ADAM10: variants seen among roughly 807,000 people sequenced by gnomAD.
ADAM10 encodes the protein ADAM metallopeptidase domain 10.
ADAM10 carries 17 observed loss-of-function variants against 90.1 expected under a neutral mutation model. That is an observed-to-expected ratio of 0.19 (90% CI 0.13 to 0.28). The LOEUF is 0.28. Ranked by LOEUF, ADAM10 falls within the 10% of genes least tolerant of loss-of-function variation. The probability of loss-of-function intolerance (pLI) is 1.00; values close to 1 mark genes in which losing one functional copy is unlikely to be tolerated. For synonymous variants in ADAM10, 310 were observed against 298.6 expected (o/e 1.04, Z -0.40); for missense variants, 610 against 914.3 (o/e 0.67, Z 4.29).
intron 10 of ADAM10, 106 bp from the exon 11 acceptor site, chr15:58,621,727 T>G (rs902956348): frequency 7.2e-7 from 1 of 1,392,518 alleles, no homozygotes; most frequent in East Asian, 2.4e-5. Flanking sequence ...AAGGAAAACT[T>G]TGATGAATAA....
intron 4 of ADAM10, chr15:58,672,823 T>C (rs1326761341): frequency 3.9e-5 from 3 of 76,048 alleles, no homozygotes; most frequent in Non-Finnish European, 8.3e-5. Context: ...GAGATGTCAA[T>C]GCTGAAAAAA....
At chr15:58,670,315 G>A (rs549050935) in intron 4 of ADAM10, among the ~76,000 whole-genome samples, 2 of 152,026 alleles carry the variant, frequency 1.3e-5, no homozygotes, top group Non-Finnish European at 2.9e-5. Context: ...GTATAAATCT[G>A]TGTAACCTTT....
At chr15:58,637,976 A>T (rs778605729) in intron 8 of ADAM10, among the ~76,000 whole-genome samples, 10 of 152,180 alleles carry the variant, frequency 6.6e-5, no homozygotes, top group African/African-American at 2.4e-4. Context: ...CAGTTCAGCT[A>T]GTAGTAAGTG....
chr15:58,676,720 G>C (rs1247701912), intron 4 of ADAM10, among the ~76,000 whole-genome samples: 1 of 152,088 alleles, frequency 6.6e-6, no homozygotes, highest in Non-Finnish European at 1.5e-5. Context: ...ACAGAGCTGA[G>C]GTAGGAGGTT....
chr15:58,736,628 A>G (rs1312014560), intron 1 of ADAM10, among the ~76,000 whole-genome samples: 2 of 152,220 alleles, frequency 1.3e-5, no homozygotes, highest in Non-Finnish European at 2.9e-5. Context: ...ATTATTAAAA[A>G]GAGAGTAAAT....
rs1457370640 is a variant in ADAM10, at chr15:58,686,440, G to A, written c.207-4126C>T. 2.2e-6 allele frequency: 3 copies of A among 1,368,362 alleles called. No homozygotes were observed. The Admixed American group carries it at 5.9e-5, about 27-fold the overall frequency. The allele number at this position is 1,368,362 out of a possible 1,614,324, so 84.8% of individuals were successfully genotyped here. ...CCTCTGGGGCTAGCGCGAGCGCCCT[G>A]CAGTGCCTGGTGGAGCAGCTCAAGT... On this transcript the variant is annotated intron_variant, in intron 2 of 15. Transcript: ENST00000260408.
intron 1 of ADAM10, chr15:58,747,903 T>C (rs1899842595): frequency 6.6e-6 from 1 of 152,184 alleles, no homozygotes; most frequent in Non-Finnish European, 1.5e-5. Context: ...TGTGTTTGTC[T>C]TACTTTTTAT....
intron 1 of ADAM10, among the ~76,000 whole-genome samples, chr15:58,721,719 C>T (rs1898859521): frequency 6.6e-6 from 1 of 152,030 alleles, no homozygotes; most frequent in Non-Finnish European, 1.5e-5. Context: ...GCCCCTGTCT[C>T]TACAAAAAAT....
chr15:58,700,982 G>A (rs1208584746), intron 2 of ADAM10, among the ~76,000 whole-genome samples: 2 of 137,460 alleles, frequency 1.5e-5, no homozygotes, highest in African/African-American at 5.4e-5. Flanking sequence ...TCCAACCTGG[G>A]AGACAGAACA....
At position 58,640,917 on chromosome 15, in the gene ADAM10, C is replaced by T. The variant is rs1321964883; in HGVS notation, c.872G>A (p.Arg291His). 4.3e-6 allele frequency: 7 copies of T among 1,614,038 alleles called. No homozygotes were observed. The highest frequency in any genetic ancestry group is 5.1e-6 in the Non-Finnish European group (6 of 1,179,966). ...ADEKDPTNPF[R>H]FPNIGVEKFL... Reference sequence around the variant, plus strand: ...CTTCTCCACACCAATATTTGGGAAACGGAAAGGATTTGTAGGGTCCTTCTC... The same window carrying T: ...CTTCTCCACACCAATATTTGGGAAATGGAAAGGATTTGTAGGGTCCTTCTC... The change falls in exon 8 of 16, where the codon CGT (arginine) becomes CAT (histidine). Residue 291 changes from arginine to histidine, a missense_variant. Coordinates refer to ENST00000260408, the MANE Select transcript of ADAM10 (RefSeq NM_001110.4).
intron 1 of ADAM10, among the ~76,000 whole-genome samples, chr15:58,742,973 G>A (rs1339712302): frequency 3.3e-5 from 5 of 152,128 alleles, no homozygotes; most frequent in Non-Finnish European, 5.9e-5. Context: ...TTGGAGAATT[G>A]CTTGAGCTGC....
intron 2 of ADAM10, among the ~76,000 whole-genome samples, chr15:58,706,833 AC>A (rs1898305608): frequency 6.6e-6 from 1 of 151,688 alleles, no homozygotes; most frequent in Non-Finnish European, 1.5e-5. Context: ...ACATGGGGAA[AC>A]CCCACCTCTA....
At chr15:58,635,755 A>T (rs1896233550) in intron 8 of ADAM10, among the ~76,000 whole-genome samples, 1 of 151,970 alleles carries the variant, frequency 6.6e-6, no homozygotes, top group Non-Finnish European at 1.5e-5. Context: ...ACTTGAATTA[A>T]GCATAGAAGA....
At chr15:58,663,154 CAA>C (rs1264637206) in intron 5 of ADAM10, among the ~76,000 whole-genome samples, 1 of 152,236 alleles carries the variant, frequency 6.6e-6, no homozygotes, top group Non-Finnish European at 1.5e-5. Context: ...CTACAAGTTT[CAA>C]AGTTTTCATT....
intron 5 of ADAM10, among the ~76,000 whole-genome samples, chr15:58,663,017 A>G (rs1370733995): frequency 6.6e-6 from 1 of 152,232 alleles, no homozygotes; most frequent in Non-Finnish European, 1.5e-5. Context: ...TCAGATATCA[A>G]TCCTGCAATG....
In ADAM10 at chr15:58,643,891, T is replaced by C. The variant is rs1303699547; in HGVS notation, c.823A>G (p.Ile275Val). The change falls in exon 7 of 16, where the codon ATA (isoleucine) becomes GTA (valine). Residue 275 changes from isoleucine (I) to valine (V), a missense_variant. Ile to Val is a conservative substitution (Grantham distance 29). Around this residue, in one of 4 missense-constraint regions of ADAM10, gnomAD observed 310 missense variants for 362.4 expected, o/e 0.86. Transcript: ENST00000260408. ...IRNISFMVKR[I>V]RINTTADEKD... is the part of the protein sequence containing the mutation. ...TAACTATTTAAGTTCCTTACTCTTA[T>C]GCGTTTCACCATGAAACTGATGTTA... 1.6e-5 allele frequency: 26 copies of C among 1,609,654 alleles called. No individual in the cohort carries two copies. Among genetic ancestry groups the C allele is most frequent in the South Asian group, 6.6e-5 (6 of 90,966 alleles).
At chr15:58,710,612 C>A (rs1329797034) in intron 2 of ADAM10, among the ~76,000 whole-genome samples, 1 of 152,152 alleles carries the variant, frequency 6.6e-6, no homozygotes, top group African/African-American at 2.4e-5. Context: ...CTTTAACTAA[C>A]GTATGTTGCA....
intron 1 of ADAM10, among the ~76,000 whole-genome samples, chr15:58,723,148 G>T (rs1898914569): frequency 6.6e-6 from 1 of 151,920 alleles, no homozygotes; most frequent in South Asian, 2.1e-4. Flanking sequence ...ATATTTTAAT[G>T]AAAATGTAGG....
At chr15:58,739,706 C>T (rs1899543715) in intron 1 of ADAM10, among the ~76,000 whole-genome samples, 1 of 152,182 alleles carries the variant, frequency 6.6e-6, no homozygotes. Context: ...TTATAATACA[C>T]ATTTGAGGGT....
Sources: allele counts gnomAD v4.1 joint callset (sites outside exome capture counted in the v4.1 genomes callset), GRCh38; gene constraint gnomAD v4.1.1; regional missense constraint gnomAD v4.1.1; transcripts MANE v1.5; gene names NCBI Gene and HGNC (gene_info 2026-07-23, HGNC 2026-07-21).